FRMD1: variants seen among roughly 807,000 people sequenced by gnomAD.
The protein encoded by FRMD1 is FERM domain containing 1.
Under a neutral mutation model 54.9 loss-of-function variants are expected in FRMD1, and 51 were observed. That is an observed-to-expected ratio of 0.93 (90% CI 0.74 to 1.17). The LOEUF (loss-of-function observed/expected upper bound fraction) is 1.17, where lower values mean the gene tolerates loss of function less well. FRMD1 is among the 50% of genes most tolerant of loss of function. The pLI is 0.00. For synonymous variants in FRMD1, 324 were observed against 306.4 expected (o/e 1.06, Z -0.60); for missense variants, 729 against 743.0 (o/e 0.98, Z 0.22).
intron 1 of FRMD1, among the ~76,000 whole-genome samples, chr6:168,089,244 G>A (rs1398928462): frequency 2.0e-5 from 3 of 152,224 alleles, no homozygotes; most frequent in African/African-American, 7.2e-5. Flanking sequence ...TGTATAGGGA[G>A]ATCCTTCTGC....
chr6:168,088,568 C>T (rs1800961374), intron 1 of FRMD1, among the ~76,000 whole-genome samples: 1 of 152,206 alleles, frequency 6.6e-6, no homozygotes, highest in Non-Finnish European at 1.5e-5. Context: ...AAAAAGTGCT[C>T]TAACCTCCTG....
At chr6:168,083,388 G>A (rs1261980701), upstream of FRMD1, among the ~76,000 whole-genome samples, 1 of 152,252 alleles carries the variant, frequency 6.6e-6, no homozygotes, top group African/African-American at 2.4e-5. Context: ...TCCTGCAGGT[G>A]AGGCAGCGGT....
At chr6:168,081,714 C>G (rs1800834919), upstream of FRMD1, 2 of 478,612 alleles carry the variant, frequency 4.2e-6, no homozygotes, top group South Asian at 1.3e-4. Flanking sequence ...AAGGGAGAAG[C>G]TGGATGCAAA....
chr6:168,059,839 T>A lies in FRMD1; in HGVS notation c.1343-651A>T, dbSNP rs980498267. ...ACACACAGGGAATGGGCAGGGTGCA[T>A]CCCTCAGGACAAGGTGCTGCGTCCT... is the stretch of plus-strand genomic sequence containing the variant. On this transcript the variant is annotated intron_variant, in intron 9 of 10. Transcript: ENST00000283309. The surrounding 1 kb of genome is among the most constrained non-coding windows in gnomAD (Gnocchi z 4.4). Among the ~76,000 whole-genome samples the A allele has an allele frequency of 1.3e-5, 2 of 151,930 alleles. No individual in the cohort carries two copies. Among genetic ancestry groups the A allele is most frequent in the Admixed American group, 1.3e-4 (2 of 15,278 alleles).
chr6:168,074,429 T>C (rs1217543066), intron 2 of FRMD1, among the ~76,000 whole-genome samples: 2 of 152,108 alleles, frequency 1.3e-5, no homozygotes, highest in African/African-American at 2.4e-5. Context: ...GGTGCGCACA[T>C]GTGTACATGT....
In FRMD1 at chr6:168,075,969, G is replaced by A. The variant is rs1454577016; in HGVS notation, c.214-634C>T. The stretch of plus-strand genomic sequence containing the variant: ...TCCACATTTCCGGTGTCCCGTGTCC[G>A]CATTTCCGGCGTCTCGCATGTGACA... On this transcript the variant is annotated intron_variant, in intron 1 of 10. Coordinates refer to ENST00000283309, the MANE Select transcript of FRMD1 (RefSeq NM_024919.6). 12 of 1,021,116 alleles carry A rather than the reference G, an allele frequency of 1.2e-5. 1 individual carries two copies. Among genetic ancestry groups the A allele is most frequent in the Non-Finnish European group, 1.7e-5 (12 of 707,268 alleles). 63.3% of individuals were successfully genotyped at this position (1,021,116 alleles called of 1,614,324 possible). A position where few individuals can be genotyped will look rare whatever the true frequency, so the allele number is the denominator to read the frequency against.
chr6:168,060,793 C>T lies in FRMD1; in HGVS notation c.1310G>A (p.Arg437His), dbSNP rs753945376. ...KEPSSSPRTS[R>H]SHPSTRGDSQ... The stretch of plus-strand genomic sequence containing the variant: ...GTCACCACGTGTGCTGGGGTGGCTG[C>T]GGCTGGTCCTGGGGCTGGAGGACGG... Residue 437 changes from arginine (R) to histidine (H), a missense_variant, in exon 9 of 11, where the codon CGC becomes CAC. Arg to His is a conservative substitution (Grantham distance 29). Coordinates refer to ENST00000283309, the MANE Select transcript of FRMD1 (RefSeq NM_024919.6). 31 of 1,611,874 alleles carry T rather than the reference C, an allele frequency of 1.9e-5. No homozygotes were observed. The highest frequency in any genetic ancestry group is 6.6e-5 in the South Asian group (6 of 91,052).
Position 168,053,843 on chromosome 6 carries a change from C to T in FRMD1, c.*3254G>A, listed in dbSNP as rs886221329. On this transcript the variant is annotated 3_prime_UTR_variant, in exon 11 of 11. Transcript: ENST00000283309. ...ACACACAGGCAGTTGCTGGCTGCCC[C>T]GGGCCTCCCAGATGGGCACCTGAGG... is the stretch of plus-strand genomic sequence containing the variant. The T allele has an allele frequency of 2.0e-5, 3 of 152,332 alleles. No individual in the cohort carries two copies. The highest frequency in any genetic ancestry group is 7.2e-5 in the African/African-American group (3 of 41,474). The allele number at this position is 152,332 out of a possible 1,614,324, so 9.4% of individuals were successfully genotyped here. A position where few individuals can be genotyped will look rare whatever the true frequency, so the allele number is the denominator to read the frequency against.
At chr6:168,079,229 C>G (rs1275716237), upstream of FRMD1, 1 of 1,415,388 alleles carries the variant, frequency 7.1e-7, no homozygotes. Flanking sequence ...GAAGCCTGGG[C>G]TGGGAATCCA....
chr6:168,071,440 A>G (rs1165929997), intron 2 of FRMD1, among the ~76,000 whole-genome samples: 2 of 152,222 alleles, frequency 1.3e-5, no homozygotes, highest in African/African-American at 4.8e-5. Flanking sequence ...CGGGTCAAGA[A>G]GGCCCTGGGG....
upstream of FRMD1, chr6:168,081,475 C>T: frequency 1.5e-5 from 23 of 1,535,570 alleles, no homozygotes; most frequent in East Asian, 2.4e-5. Flanking sequence ...CAGATCTCCT[C>T]ATGGCTGAGC....
At position 168,056,643 on chromosome 6, in the gene FRMD1, G is replaced by C. The variant is rs1799417935; in HGVS notation, c.*454C>G. On this transcript the variant is annotated 3_prime_UTR_variant, in exon 11 of 11. Coordinates refer to ENST00000283309, the MANE Select transcript of FRMD1 (RefSeq NM_024919.6). ...CTGGGTCCTGCACAGTGATGACTGT[G>C]AACTCCGGCTTGGGAGCTCTGGCAG... is the stretch of plus-strand genomic sequence containing the variant. The C allele has an allele frequency of 6.7e-6, 1 of 149,158 alleles. No homozygotes were observed. The highest frequency in any genetic ancestry group is 2.1e-4 in the South Asian group (1 of 4,664). The allele number at this position is 149,158 out of a possible 1,614,324, so 9.2% of individuals were successfully genotyped here.
At chr6:168,075,213 A>G (rs1800526011) in intron 2 of FRMD1, 32 bp downstream of exon 2, 2 of 1,595,930 alleles carry the variant, frequency 1.3e-6, no homozygotes, top group Admixed American at 3.3e-5. Context: ...GCCCCTGGGC[A>G]TTCCTGCAGG....
At position 168,059,609 on chromosome 6, in the gene FRMD1, C is replaced by T. The variant is rs116147539; in HGVS notation, c.1343-421G>A. 0.016 allele frequency among the ~76,000 whole-genome samples: 2,438 copies of T among 152,270 alleles called. 59 individuals are homozygous for T. Among genetic ancestry groups the T allele is most frequent in the African/African-American group, 0.051 (2,135 of 41,554 alleles). ...TGACTGTAGGTGATGCTGGGCGGTC[C>T]TGGGTGACTGAGCCCTGGGGCTGGT... On this transcript the variant is annotated intron_variant, in intron 9 of 10. Transcript: ENST00000283309. The surrounding 1 kb of genome is among the most constrained non-coding windows in gnomAD (Gnocchi z 4.4).
upstream of FRMD1, chr6:168,081,683 C>A: frequency 3.7e-6 from 2 of 541,354 alleles, no homozygotes; most frequent in Non-Finnish European, 6.1e-6. Flanking sequence ...GACACAGGCA[C>A]AGGACTAAAC....
In FRMD1 at chr6:168,057,060, C is replaced by T; in HGVS notation, c.*37G>A. 1.4e-6 allele frequency: 2 copies of T among 1,439,392 alleles called. No homozygotes were observed. The highest frequency in any genetic ancestry group is 3.0e-5 in the South Asian group (2 of 66,264). 89.2% of individuals were successfully genotyped at this position (1,439,392 alleles called of 1,614,324 possible). On this transcript the variant is annotated 3_prime_UTR_variant, in exon 11 of 11. Transcript: ENST00000283309. ...GGAAGTGGGGTGGGCAGGGGCTGAG[C>T]CTGGCGGTGCGGACGGTACTGCTGG...
rs1480239005 is a variant in FRMD1 at position 168,078,769 on chromosome 6, GCC to G, written c.213+111_213+112del. ...CTGTTTACTCCCAAGGCCATCCAGG[GCC>G]CTGCTCACCCCCACGGCCACCCAGG... On this transcript the variant is annotated intron_variant, in intron 1 of 10. Coordinates refer to ENST00000283309, the MANE Select transcript of FRMD1 (RefSeq NM_024919.6). 4.2e-3 allele frequency: 368 copies of G among 87,538 alleles called. 2 individuals carry two copies. The highest frequency in any genetic ancestry group is 7.1e-3 in the African/African-American group (39 of 5,522). 5.4% of individuals were successfully genotyped at this position (87,538 alleles called of 1,614,324 possible).
intron 1 of FRMD1, among the ~76,000 whole-genome samples, chr6:168,086,836 T>G (rs1193134026): frequency 6.6e-6 from 1 of 152,246 alleles, no homozygotes; most frequent in Non-Finnish European, 1.5e-5. Flanking sequence ...GTGAAGCCCA[T>G]GTGACCCCGT....
chr6:168,059,012 C>T lies in FRMD1; in HGVS notation c.1407+112G>A, dbSNP rs910137926. 2.6e-5 allele frequency: 21 copies of T among 797,450 alleles called. No homozygotes were observed. The African/African-American group carries it at 3.3e-4, about 12-fold the overall frequency. The allele number at this position is 797,450 out of a possible 1,614,324, so 49.4% of individuals were successfully genotyped here. On this transcript the variant is annotated intron_variant, in intron 10 of 10. Transcript: ENST00000283309. This position sits in a 1 kb window ranked among gnomAD's most constrained non-coding sequence, Gnocchi z 4.4. Reference sequence around the variant, plus strand: ...CCGCTGCGTCTCTGGGGATGTCAGTCGAGGGACCCTCTGATAGGCCTAGGA... The same window carrying T: ...CCGCTGCGTCTCTGGGGATGTCAGTTGAGGGACCCTCTGATAGGCCTAGGA...
Sources: allele counts gnomAD v4.1 joint callset (sites outside exome capture counted in the v4.1 genomes callset), GRCh38; gene constraint gnomAD v4.1.1; non-coding constraint Gnocchi (gnomAD v3.1); transcripts MANE v1.5; gene names NCBI Gene and HGNC (gene_info 2026-07-23, HGNC 2026-07-21).